CUL3: variants seen among roughly 807,000 people sequenced by gnomAD.
CUL3 encodes cullin-3.
CUL3 carries 19 observed loss-of-function variants against 89.1 expected under a neutral mutation model. The ratio of observed to expected loss-of-function variants is 0.21; its 90% CI spans 0.15 to 0.31. The LOEUF (loss-of-function observed/expected upper bound fraction) is 0.31, where lower values mean the gene tolerates loss of function less well. Ranked by LOEUF, CUL3 falls within the 10% of genes least tolerant of loss-of-function variation. The pLI is 1.00. For missense variants in CUL3, 469 were observed against 942.3 expected, an observed-to-expected ratio of 0.50 and a Z score of 6.58; for synonymous variants, 351 against 308.4, an observed-to-expected ratio of 1.14 and a Z score of -1.45.
intron 2 of CUL3, among the ~76,000 whole-genome samples, chr2:224,552,024 T>TA (rs1694533184): frequency 6.6e-6 from 1 of 152,218 alleles, no homozygotes; most frequent in Non-Finnish European, 1.5e-5. Flanking sequence ...TACTATCTGT[T>TA]TCATAAGTGC....
intron 12 of CUL3, among the ~76,000 whole-genome samples, chr2:224,496,712 G>T (rs1363484730): frequency 6.6e-6 from 1 of 152,080 alleles, no homozygotes; most frequent in Non-Finnish European, 1.5e-5. Flanking sequence ...GGGGCTGGGG[G>T]AGGAGGGGGG....
intron 11 of CUL3, among the ~76,000 whole-genome samples, chr2:224,499,013 A>G (rs1209407926): frequency 1.3e-5 from 2 of 152,210 alleles, no homozygotes; most frequent in African/African-American, 4.8e-5. Flanking sequence ...ATACATGTCA[A>G]TATGCTGAAT....
intron 2 of CUL3, among the ~76,000 whole-genome samples, chr2:224,552,180 T>C (rs893126474): frequency 3.3e-5 from 5 of 152,148 alleles, no homozygotes; most frequent in African/African-American, 1.2e-4. Context: ...ATTCTAAACG[T>C]CTTTAAATCT....
chr2:224,482,295 G>A (rs1201379337), intron 13 of CUL3, among the ~76,000 whole-genome samples: 2 of 151,964 alleles, frequency 1.3e-5, no homozygotes, highest in Non-Finnish European at 2.9e-5. Flanking sequence ...ATATTAAAAA[G>A]ACATGTACTT....
intron 2 of CUL3, among the ~76,000 whole-genome samples, chr2:224,537,043 T>C (rs548346456): frequency 6.6e-6 from 1 of 152,218 alleles, no homozygotes; most frequent in African/African-American, 2.4e-5. Context: ...TTTCTAATAG[T>C]GGTTATGCTT....
intron 13 of CUL3, among the ~76,000 whole-genome samples, chr2:224,486,381 AG>A (rs1435455113): frequency 2.0e-5 from 3 of 152,154 alleles, no homozygotes; most frequent in Non-Finnish European, 1.5e-5. Flanking sequence ...AAAAGGTTAC[AG>A]GAACTGCTAA....
chr2:224,528,077 AT>A (rs973986591), intron 3 of CUL3, among the ~76,000 whole-genome samples: 54 of 152,092 alleles, frequency 3.6e-4, no homozygotes, highest in African/African-American at 1.3e-3. Flanking sequence ...TGAGCATTCC[AT>A]TTTTTTTCCT....
intron 1 of CUL3, among the ~76,000 whole-genome samples, chr2:224,565,355 G>C (rs942239667): frequency 1.3e-5 from 2 of 152,174 alleles, no homozygotes; most frequent in African/African-American, 4.8e-5. Flanking sequence ...AGGTGTAGGA[G>C]GAAGAGAAGT....
intron 15 of CUL3, 78 bp from the exon 16 acceptor site, chr2:224,474,454 TAAC>T: frequency 8.1e-7 from 1 of 1,239,900 alleles, no homozygotes; most frequent in South Asian, 1.5e-5. Context: ...TATGTCATTT[TAAC>T]ACTCAGAGAC....
chr2:224,476,794 C>G (rs747779968), intron 15 of CUL3, among the ~76,000 whole-genome samples: 13 of 152,100 alleles, frequency 8.5e-5, no homozygotes, highest in Non-Finnish European at 1.9e-4. Context: ...ATTCTTTATT[C>G]ATAGGATATA....
At chr2:224,515,413 C>T (rs938174145) in intron 3 of CUL3, among the ~76,000 whole-genome samples, 3 of 152,188 alleles carry the variant, frequency 2.0e-5, no homozygotes, top group Non-Finnish European at 2.9e-5. Flanking sequence ...GCAAAATACA[C>T]TGAAATAAAA....
intron 1 of CUL3, among the ~76,000 whole-genome samples, chr2:224,576,172 G>T (rs1480403664): frequency 1.3e-5 from 2 of 152,082 alleles, no homozygotes; most frequent in Admixed American, 1.3e-4. Flanking sequence ...ATAATTCAAG[G>T]ACTGTAATAG....
At chr2:224,582,444 A>T (rs1695463377) in intron 1 of CUL3, among the ~76,000 whole-genome samples, 1 of 152,246 alleles carries the variant, frequency 6.6e-6, no homozygotes, top group Non-Finnish European at 1.5e-5. Context: ...TCTATCTGTA[A>T]CAAAGGGCCA....
chr2:224,525,146 G>T (rs111500791), intron 3 of CUL3, among the ~76,000 whole-genome samples: 1 of 151,968 alleles, frequency 6.6e-6, no homozygotes, highest in African/African-American at 2.4e-5. Context: ...TCAATATATG[G>T]AACAAGTGAT....
At chr2:224,502,262 CAT>C (rs1310070146) in intron 10 of CUL3, among the ~76,000 whole-genome samples, 10 of 152,092 alleles carry the variant, frequency 6.6e-5, no homozygotes, top group African/African-American at 2.4e-4. Context: ...ACATTTTAAC[CAT>C]AGAGTGGTAC....
At chr2:224,549,793 CTAA>C (rs936788814) in intron 2 of CUL3, among the ~76,000 whole-genome samples, 1 of 152,038 alleles carries the variant, frequency 6.6e-6, no homozygotes, top group South Asian at 2.1e-4. Flanking sequence ...AGTAGCAAAA[CTAA>C]TTATTACTAT....
At chr2:224,545,300 G>A (rs1286092193) in intron 2 of CUL3, among the ~76,000 whole-genome samples, 1 of 151,738 alleles carries the variant, frequency 6.6e-6, no homozygotes, top group East Asian at 1.9e-4. Context: ...TAATTAAGAT[G>A]GCAATAGTGA....
At chr2:224,562,194 T>A (rs1694923032) in intron 1 of CUL3, among the ~76,000 whole-genome samples, 1 of 152,086 alleles carries the variant, frequency 6.6e-6, no homozygotes, top group Admixed American at 6.5e-5. Context: ...TTTTCACATA[T>A]ATACATCAAG....
At chr2:224,521,116 A>G (rs1471589048) in intron 3 of CUL3, among the ~76,000 whole-genome samples, 2 of 152,252 alleles carry the variant, frequency 1.3e-5, no homozygotes. Context: ...CCTGCAAGAA[A>G]AAGTTTAGTA....
Sources: gnomAD v4.1 joint callset for allele counts (sites outside exome capture counted in the v4.1 genomes callset) on GRCh38, gnomAD v4.1.1 for gene constraint, MANE v1.5 for transcripts, NCBI Gene and HGNC (gene_info 2026-07-23, HGNC 2026-07-21) for gene names.